Variants in GARIN1A observed in about 807,000 individuals in gnomAD.
GARIN1A encodes the protein golgi associated RAB2 interactor 1A, also known as Golgi-associated RAB2 interactor protein 1A.
the GARIN1A span, among the ~76,000 whole-genome samples, chr7:128,702,271 T>TA: frequency 3.3e-5 from 5 of 152,204 alleles, no homozygotes; most frequent in African/African-American, 1.2e-4. Context: ...AATCAATTTT[T>TA]AAAAAAATTT....
the GARIN1A span, chr7:128,677,875 G>A: frequency 1.4e-6 from 2 of 1,385,964 alleles, no homozygotes; most frequent in Non-Finnish European, 2.0e-6. Context: ...ATATGTAAGT[G>A]TCTGTGTATA....
chr7:128,677,641 A>G, the GARIN1A span: 1 of 1,613,744 alleles, frequency 6.2e-7, no homozygotes, highest in African/African-American at 1.3e-5. Flanking sequence ...ACAGTGACCG[A>G]AAAGATCTAC....
At chr7:128,692,497 A>C in the GARIN1A span, among the ~76,000 whole-genome samples, 1 of 152,234 alleles carries the variant, frequency 6.6e-6, no homozygotes, top group African/African-American at 2.4e-5. Context: ...AAAAGAGAAA[A>C]GAAACAAAAC....
At chr7:128,693,518 C>A in the GARIN1A span, 1 of 186,624 alleles carries the variant, frequency 5.4e-6, no homozygotes, top group South Asian at 1.4e-4. Context: ...AATGGGAGGT[C>A]ACGGACCACA....
At chr7:128,703,423 T>C in the GARIN1A span, among the ~76,000 whole-genome samples, 2 of 152,196 alleles carry the variant, frequency 1.3e-5, no homozygotes, top group African/African-American at 4.8e-5. Context: ...ACATAACCCA[T>C]GGATCAAAGA....
the GARIN1A span, among the ~76,000 whole-genome samples, chr7:128,695,087 A>G: frequency 6.6e-6 from 1 of 152,246 alleles, no homozygotes. The surrounding 1 kb of genome is among the most constrained non-coding windows in gnomAD (Gnocchi z 4.5). Context: ...CACTATGTCT[A>G]ACCTTTAAAG....
the GARIN1A span, among the ~76,000 whole-genome samples, chr7:128,700,189 G>A: frequency 6.6e-6 from 1 of 151,378 alleles, no homozygotes; most frequent in Admixed American, 6.6e-5. Context: ...TAATTAGCAT[G>A]TGAATTGTAG....
the GARIN1A span, among the ~76,000 whole-genome samples, chr7:128,681,461 C>CCCTCCCCTCT: frequency 0.26 from 27,966 of 106,790 alleles, 4,468 homozygotes; most frequent in Admixed American, 0.31. Flanking sequence ...CCCTCCCCTC[C>CCCTCCCCTCT]CCTCCCCTCT....
the GARIN1A span, among the ~76,000 whole-genome samples, chr7:128,673,985 C>T: frequency 6.6e-6 from 1 of 152,206 alleles, no homozygotes; most frequent in South Asian, 2.1e-4. Flanking sequence ...CCTCTGCCTC[C>T]TGGGTTCAAG....
the GARIN1A span, among the ~76,000 whole-genome samples, chr7:128,707,391 C>A: frequency 6.6e-6 from 1 of 152,062 alleles, no homozygotes; most frequent in African/African-American, 2.4e-5. Context: ...TACTCTTTGA[C>A]CATCATCTCC....
At chr7:128,689,855 C>T in the GARIN1A span, among the ~76,000 whole-genome samples, 2 of 152,026 alleles carry the variant, frequency 1.3e-5, no homozygotes, top group Non-Finnish European at 2.9e-5. Flanking sequence ...CCGGCCGCCC[C>T]TACTAGGAAG....
chr7:128,673,470 G>A, the GARIN1A span, among the ~76,000 whole-genome samples: 3 of 152,210 alleles, frequency 2.0e-5, no homozygotes, highest in Non-Finnish European at 4.4e-5. Flanking sequence ...AAGTGGAAGA[G>A]CAGCGGGGAG....
the GARIN1A span, chr7:128,679,969 C>A: frequency 1.0e-6 from 1 of 980,566 alleles, no homozygotes; most frequent in Non-Finnish European, 1.5e-6. Flanking sequence ...AAGTTCTACC[C>A]CGAGGAGGCC....
the GARIN1A span, chr7:128,675,937 C>G: frequency 1.9e-6 from 2 of 1,070,154 alleles, no homozygotes; most frequent in South Asian, 1.4e-5. Flanking sequence ...GATTTTAGAT[C>G]AAAAGAAAAG....
At chr7:128,677,432 C>T in the GARIN1A span, 11 of 1,012,858 alleles carry the variant, frequency 1.1e-5, no homozygotes, top group African/African-American at 1.7e-5. Flanking sequence ...GCGTGAACCC[C>T]GGGGGCAGAG....
the GARIN1A span, among the ~76,000 whole-genome samples, chr7:128,673,905 C>A: frequency 6.6e-6 from 1 of 152,090 alleles, no homozygotes; most frequent in African/African-American, 2.4e-5. Flanking sequence ...AATTTCTTCT[C>A]TTAATGTGTG....
the GARIN1A span, chr7:128,675,732 G>A: frequency 8.1e-6 from 13 of 1,613,758 alleles, no homozygotes; most frequent in East Asian, 2.2e-5. Flanking sequence ...CGTGATCCTC[G>A]GGGTCACCTC....
the GARIN1A span, among the ~76,000 whole-genome samples, chr7:128,682,067 G>C: frequency 6.6e-6 from 1 of 152,086 alleles, no homozygotes; most frequent in Non-Finnish European, 1.5e-5. Context: ...ATTTTGACCA[G>C]CCATTGGAGA....
chr7:128,704,105 C>G, the GARIN1A span, among the ~76,000 whole-genome samples: 1 of 151,860 alleles, frequency 6.6e-6, no homozygotes, highest in African/African-American at 2.4e-5. Flanking sequence ...CTTTGGGAAA[C>G]TATACTGATT....
Sources: gnomAD v4.1 joint callset for allele counts (sites outside exome capture counted in the v4.1 genomes callset) on GRCh38, gnomAD v4.1.1 for gene constraint, Gnocchi (gnomAD v3.1) non-coding constraint, MANE v1.5 for transcripts, NCBI Gene and HGNC (gene_info 2026-07-23, HGNC 2026-07-21) for gene names.